THEMIS: variants seen among roughly 807,000 people sequenced by gnomAD.
THEMIS encodes the protein protein THEMIS.
THEMIS carries 37 observed loss-of-function variants against 52.6 expected under a neutral mutation model. The ratio of observed to expected loss-of-function variants is 0.70; its 90% CI spans 0.54 to 0.93. The LOEUF is 0.93. THEMIS is among the 40% of genes least tolerant of loss of function. THEMIS has a pLI of 0.00. For missense variants in THEMIS, 808 were observed against 763.1 expected, an observed-to-expected ratio of 1.06 and a Z score of -0.69; for synonymous variants, 292 against 272.7, an observed-to-expected ratio of 1.07 and a Z score of -0.70.
chr6:127,917,288 T>C (rs1781546722), intron 1 of THEMIS, among the ~76,000 whole-genome samples: 1 of 152,184 alleles, frequency 6.6e-6, no homozygotes, highest in Non-Finnish European at 1.5e-5. Context: ...TTTGGGTCGG[T>C]AGGCAGGCAA....
At chr6:127,702,023 T>TG in the THEMIS span, among the ~76,000 whole-genome samples, 1 of 152,090 alleles carries the variant, frequency 6.6e-6, no homozygotes, top group Admixed American at 6.5e-5. Flanking sequence ...ATTCTCGGAT[T>TG]TTTTTTTCTG....
At chr6:127,837,482 C>T (rs1778909907) in intron 2 of THEMIS, among the ~76,000 whole-genome samples, 2 of 151,976 alleles carry the variant, frequency 1.3e-5, no homozygotes, top group Non-Finnish European at 2.9e-5. Context: ...AAGATAAATG[C>T]TATTAATGTT....
upstream of THEMIS, among the ~76,000 whole-genome samples, chr6:127,902,043 G>A (rs1010403604): frequency 2.0e-5 from 3 of 151,936 alleles, no homozygotes; most frequent in Non-Finnish European, 4.4e-5. Context: ...TATTGGTTGA[G>A]GCTGGGTACG....
intron 4 of THEMIS, among the ~76,000 whole-genome samples, chr6:127,789,188 G>A: frequency 6.6e-6 from 1 of 151,938 alleles, no homozygotes; most frequent in South Asian, 2.1e-4. Context: ...AATGATAAAG[G>A]GGATATCTCC....
At chr6:127,777,466 T>G (rs1203426083) in intron 4 of THEMIS, among the ~76,000 whole-genome samples, 3 of 152,166 alleles carry the variant, frequency 2.0e-5, no homozygotes, top group Admixed American at 6.5e-5. Context: ...AATGAAAATT[T>G]CCAGGGCTGA....
intron 4 of THEMIS, among the ~76,000 whole-genome samples, chr6:127,805,953 G>A (rs1162391547): frequency 6.6e-6 from 1 of 151,408 alleles, no homozygotes; most frequent in Admixed American, 6.6e-5. Context: ...TTCTTCAACT[G>A]CTCTTTTGAT....
At chr6:127,703,194 C>T (rs1040901121), downstream of THEMIS, among the ~76,000 whole-genome samples, 5 of 150,660 alleles carry the variant, frequency 3.3e-5, no homozygotes, top group Non-Finnish European at 7.4e-5. Flanking sequence ...ACTACAGGCG[C>T]CCGCCACTAC....
downstream of THEMIS, among the ~76,000 whole-genome samples, chr6:127,706,318 A>G (rs1026995434): frequency 6.6e-6 from 1 of 151,982 alleles, no homozygotes; most frequent in East Asian, 1.9e-4. Flanking sequence ...TATCACAACA[A>G]CTCTACAATG....
chr6:127,704,847 G>A (rs953032750), downstream of THEMIS, among the ~76,000 whole-genome samples: 4 of 152,180 alleles, frequency 2.6e-5, no homozygotes, highest in Admixed American at 2.0e-4. Context: ...TCATGGTGAG[G>A]TTCTCTGTAA....
chr6:127,717,595 T>G (rs1167255525), intron 5 of THEMIS, among the ~76,000 whole-genome samples: 1 of 151,878 alleles, frequency 6.6e-6, no homozygotes, highest in East Asian at 1.9e-4. Context: ...GAGTGAGGTT[T>G]TACCGTACTC....
chr6:127,702,401 A>G, the THEMIS span, among the ~76,000 whole-genome samples: 1 of 152,166 alleles, frequency 6.6e-6, no homozygotes, highest in Non-Finnish European at 1.5e-5. Context: ...AAGGTCTCAG[A>G]CATCATCTCT....
intron 1 of THEMIS, among the ~76,000 whole-genome samples, chr6:127,914,561 G>A (rs1322619317): frequency 6.6e-6 from 1 of 152,146 alleles, no homozygotes; most frequent in Admixed American, 6.5e-5. Flanking sequence ...TGTATAGCAT[G>A]TTACTGTCTG....
intron 4 of THEMIS, among the ~76,000 whole-genome samples, chr6:127,785,024 A>AT: frequency 6.7e-6 from 1 of 149,880 alleles, no homozygotes; most frequent in African/African-American, 2.5e-5. Context: ...CTATCTATCT[A>AT]CCTATCAATA....
At chr6:127,759,780 T>G (rs1045442247) in intron 4 of THEMIS, among the ~76,000 whole-genome samples, 4 of 151,606 alleles carry the variant, frequency 2.6e-5, no homozygotes, top group Non-Finnish European at 5.9e-5. Context: ...CTTCTTTCCT[T>G]CCTTCCTTCC....
At chr6:127,902,356 T>C (rs1781163818), upstream of THEMIS, among the ~76,000 whole-genome samples, 1 of 148,390 alleles carries the variant, frequency 6.7e-6, no homozygotes, top group Admixed American at 6.7e-5. Context: ...TAAAGAATAC[T>C]GGTTGGTATG....
At chr6:127,834,445 G>A (rs540929039) in intron 2 of THEMIS, among the ~76,000 whole-genome samples, 9 of 150,670 alleles carry the variant, frequency 6.0e-5, no homozygotes, top group Admixed American at 4.6e-4. Flanking sequence ...AAAGCTGGGC[G>A]TGGTGGTGCG....
At chr6:127,772,530 G>T (rs955182409) in intron 4 of THEMIS, among the ~76,000 whole-genome samples, 1 of 151,950 alleles carries the variant, frequency 6.6e-6, no homozygotes. Flanking sequence ...AGCTAAAAAA[G>T]CATTTCCTTT....
intron 1 of THEMIS, among the ~76,000 whole-genome samples, chr6:127,908,566 T>C (rs977874623): frequency 1.3e-5 from 2 of 152,144 alleles, no homozygotes; most frequent in Non-Finnish European, 2.9e-5. Context: ...GGTGTTACCG[T>C]ATGAATTATG....
chr6:127,864,159 G>A (rs913056789), intron 1 of THEMIS, among the ~76,000 whole-genome samples: 1 of 151,988 alleles, frequency 6.6e-6, no homozygotes, highest in African/African-American at 2.4e-5. Flanking sequence ...GAATATAAGA[G>A]TCAAATAATG....
Sources: allele counts gnomAD v4.1 joint callset (sites outside exome capture counted in the v4.1 genomes callset), GRCh38; gene constraint gnomAD v4.1.1; transcripts MANE v1.5; gene names NCBI Gene and HGNC (gene_info 2026-07-23, HGNC 2026-07-21).